The following LRRC4C variants were observed in gnomAD, a reference collection of about 807,000 sequenced individuals.
LRRC4C encodes leucine rich repeat containing 4C.
In LRRC4C, 5 loss-of-function variants were observed where a neutral mutation model predicts 33.6. The ratio of observed to expected loss-of-function variants is 0.15; its 90% CI spans 0.08 to 0.31. The LOEUF is 0.31. Among genes scored for constraint, LRRC4C ranks in the 10% least tolerant of loss-of-function variants. The pLI is 1.00. For synonymous variants in LRRC4C, 329 were observed against 302.0 expected (o/e 1.09, Z -0.93); for missense variants, 560 against 796.7 (o/e 0.70, Z 3.58).
At chr11:40,539,081 A>T (rs1185975815) in intron 3 of LRRC4C, among the ~76,000 whole-genome samples, 1 of 152,140 alleles carries the variant, frequency 6.6e-6, no homozygotes, top group Admixed American at 6.6e-5. Flanking sequence ...CCTCTGCCCA[A>T]CAGAAGTATT....
rs146601404 is a variant in LRRC4C, at chr11:41,207,864, G to A, written c.-496+251567C>T. Among the ~76,000 whole-genome samples, 1,332 of 152,304 alleles carry A rather than the reference G, an allele frequency of 8.7e-3. 19 individuals carry two copies. Among genetic ancestry groups the A allele is most frequent in the African/African-American group, 0.03 (1,235 of 41,566 alleles). ...ATAGATTTTAGTACTGTGAAGTGGG[G>A]TGCTGATTTAACAAATACCCAAAAG... is the stretch of plus-strand genomic sequence containing the variant. On this transcript the variant is annotated intron_variant, in intron 1 of 6. Transcript: ENST00000528697.
At chr11:40,990,058 A>G (rs143707733) in intron 1 of LRRC4C, among the ~76,000 whole-genome samples, 247 of 151,158 alleles carry the variant, frequency 1.6e-3, no homozygotes, top group African/African-American at 5.8e-3. Context: ...TGCAGAGACT[A>G]TAGTATCTGC....
intron 2 of LRRC4C, among the ~76,000 whole-genome samples, chr11:40,799,699 C>A (rs2135262809): frequency 6.6e-6 from 1 of 152,246 alleles, no homozygotes; most frequent in African/African-American, 2.4e-5. Context: ...TGAATTCCTG[C>A]CTCAAGTGAT....
At chr11:41,034,696 G>A (rs1856958650) in intron 1 of LRRC4C, among the ~76,000 whole-genome samples, 1 of 141,052 alleles carries the variant, frequency 7.1e-6, no homozygotes, top group Admixed American at 7.2e-5. Context: ...TGGATTGTTT[G>A]GTCTCTTCTC....
chr11:40,224,292 A>G (rs992574760), intron 5 of LRRC4C, among the ~76,000 whole-genome samples: 4 of 152,192 alleles, frequency 2.6e-5, no homozygotes, highest in African/African-American at 9.6e-5. Flanking sequence ...TAGCATTTAT[A>G]TCTTTTATCA....
chr11:41,063,216 G>A (rs1937925628), intron 1 of LRRC4C, among the ~76,000 whole-genome samples: 1 of 152,106 alleles, frequency 6.6e-6, no homozygotes, highest in African/African-American at 2.4e-5. Context: ...TTTAGCATGA[G>A]AGAAAACTAT....
At chr11:40,343,555 T>C (rs1590378008) in intron 3 of LRRC4C, among the ~76,000 whole-genome samples, 1 of 151,996 alleles carries the variant, frequency 6.6e-6, no homozygotes, top group East Asian at 1.9e-4. Context: ...TTCCCCTCTT[T>C]GGTCCATGCG....
chr11:40,527,150 G>T (rs1182110667), intron 3 of LRRC4C, among the ~76,000 whole-genome samples: 1 of 152,136 alleles, frequency 6.6e-6, no homozygotes, highest in Non-Finnish European at 1.5e-5. Flanking sequence ...AGACAGATAG[G>T]ACATTTCTAA....
intron 1 of LRRC4C, among the ~76,000 whole-genome samples, chr11:41,200,568 A>T (rs1946364206): frequency 1.3e-5 from 2 of 152,042 alleles, no homozygotes; most frequent in Non-Finnish European, 1.5e-5. Context: ...TACTTCTGCA[A>T]AAACAGAGAT....
intron 1 of LRRC4C, among the ~76,000 whole-genome samples, chr11:41,431,997 G>A (rs1313568758): frequency 6.6e-6 from 1 of 152,122 alleles, no homozygotes; most frequent in African/African-American, 2.4e-5. Context: ...TTCCGCTAGA[G>A]GGGCCATTGG....
intron 2 of LRRC4C, among the ~76,000 whole-genome samples, chr11:40,883,606 A>T (rs908091617): frequency 1.2e-4 from 18 of 152,214 alleles, no homozygotes; most frequent in African/African-American, 4.3e-4. Context: ...AGTTATGAGT[A>T]TATCAACATA....
intron 2 of LRRC4C, among the ~76,000 whole-genome samples, chr11:40,751,721 TG>T (rs1948699234): frequency 6.6e-6 from 1 of 152,094 alleles, no homozygotes; most frequent in African/African-American, 2.4e-5. Flanking sequence ...AAAATACCAA[TG>T]TTATTTTCCA....
chr11:41,440,850 C>G (rs368713281), intron 1 of LRRC4C, among the ~76,000 whole-genome samples: 4 of 152,184 alleles, frequency 2.6e-5, no homozygotes, highest in East Asian at 1.9e-4. Flanking sequence ...CTTTTGCCTT[C>G]TACCATAACT....
chr11:40,279,905 CTT>C (rs1780687818), intron 4 of LRRC4C, among the ~76,000 whole-genome samples: 1 of 152,096 alleles, frequency 6.6e-6, no homozygotes, highest in African/African-American at 2.4e-5. Flanking sequence ...ATTTTAAAAT[CTT>C]TAGTATATGA....
intron 3 of LRRC4C, among the ~76,000 whole-genome samples, chr11:40,568,369 C>A (rs965252432): frequency 3.3e-5 from 5 of 152,192 alleles, no homozygotes; most frequent in African/African-American, 4.8e-5. Flanking sequence ...GACTGCAGCC[C>A]TAGCAGATAC....
chr11:40,197,992 A>G (rs905410964), intron 5 of LRRC4C, among the ~76,000 whole-genome samples: 3 of 152,176 alleles, frequency 2.0e-5, no homozygotes, highest in Non-Finnish European at 4.4e-5. Context: ...ATTTAATAAG[A>G]ATGAGAAAAT....
At chr11:40,513,487 G>A (rs940220276) in intron 3 of LRRC4C, among the ~76,000 whole-genome samples, 2 of 152,100 alleles carry the variant, frequency 1.3e-5, no homozygotes, top group African/African-American at 4.8e-5. Flanking sequence ...GACTAGCAAA[G>A]CACAGTGCAG....
At chr11:40,236,036 G>A (rs539491579) in intron 5 of LRRC4C, among the ~76,000 whole-genome samples, 34 of 151,812 alleles carry the variant, frequency 2.2e-4, no homozygotes, top group Middle Eastern at 6.8e-3. Context: ...ACCAGGGTGC[G>A]CAGCTTCATT....
At chr11:40,981,491 A>G (rs1049674981) in intron 1 of LRRC4C, among the ~76,000 whole-genome samples, 11 of 152,178 alleles carry the variant, frequency 7.2e-5, no homozygotes, top group African/African-American at 2.2e-4. Flanking sequence ...TATTGTTTAC[A>G]GCCTACTACA....
Sources: allele counts gnomAD v4.1 joint callset (sites outside exome capture counted in the v4.1 genomes callset), GRCh38; gene constraint gnomAD v4.1.1; transcripts MANE v1.5; gene names NCBI Gene and HGNC (gene_info 2026-07-23, HGNC 2026-07-21).